The following PIK3C2B variants were observed in gnomAD, a reference collection of about 807,000 sequenced individuals.
PIK3C2B encodes the protein phosphatidylinositol 4-phosphate 3-kinase C2 domain-containing subunit beta.
In PIK3C2B, 83 loss-of-function variants were observed where a neutral mutation model predicts 184.3. That is an observed-to-expected ratio of 0.45 (90% CI 0.38 to 0.54). PIK3C2B has a LOEUF of 0.54. Ranked by LOEUF, PIK3C2B falls within the 20% of genes least tolerant of loss-of-function variation. PIK3C2B has a pLI of 0.00. For synonymous variants in PIK3C2B, 779 were observed against 837.6 expected, an observed-to-expected ratio of 0.93 and a Z score of 1.21; for missense variants, 1,736 against 2,113.5, an observed-to-expected ratio of 0.82 and a Z score of 3.50.
At chr1:204,437,470 G>A (rs1675413537) in intron 23 of PIK3C2B, among the ~76,000 whole-genome samples, 1 of 150,750 alleles carries the variant, frequency 6.6e-6, no homozygotes, top group Admixed American at 6.7e-5. Flanking sequence ...ACTCCGGCCT[G>A]GGCAACAAGA....
At chr1:204,476,531 G>A (rs34093643) in intron 1 of PIK3C2B, among the ~76,000 whole-genome samples, 11,702 of 152,296 alleles carry the variant, frequency 0.077, 631 homozygotes, top group Non-Finnish European at 0.12. Flanking sequence ...GAGTGACAGA[G>A]ACCCTGTCTC....
intron 11 of PIK3C2B, 30 bp from the exon 12 acceptor site, chr1:204,454,821 C>G (rs995264587): frequency 6.3e-6 from 10 of 1,596,818 alleles, no homozygotes; most frequent in Non-Finnish European, 8.5e-6. Flanking sequence ...GGTCAGGACA[C>G]CCAGCTCCCA....
chr1:204,454,253 C>G (rs937627883), intron 12 of PIK3C2B, among the ~76,000 whole-genome samples: 1 of 150,106 alleles, frequency 6.7e-6, no homozygotes, highest in African/African-American at 2.4e-5. Context: ...GAGGCCGAGG[C>G]GGGCAGATCA....
Position 204,427,905 on chromosome 1 carries a change from A to T in PIK3C2B, c.4481-151T>A, listed in dbSNP as rs367916196. ...TGTAGTCTGAATGTGATTAGAGTTA[A>T]TTGGGTTGGGATGGGTCTAAGGATA... On this transcript the variant is annotated intron_variant, in intron 30 of 32. Transcript: ENST00000684373. 9.3e-4 allele frequency: 610 copies of T among 658,630 alleles called. 11 individuals are homozygous for T. The South Asian group carries it at 0.011, about 12-fold the overall frequency. 40.8% of individuals were successfully genotyped at this position (658,630 alleles called of 1,614,324 possible).
intron 23 of PIK3C2B, among the ~76,000 whole-genome samples, chr1:204,438,183 T>A (rs1675456374): frequency 6.6e-6 from 1 of 152,248 alleles, no homozygotes; most frequent in African/African-American, 2.4e-5. Flanking sequence ...AAGTTAAAAT[T>A]ATACGAATTA....
chr1:204,464,834 A>C (rs2103509714), intron 3 of PIK3C2B, among the ~76,000 whole-genome samples: 1 of 152,316 alleles, frequency 6.6e-6, no homozygotes, highest in East Asian at 1.9e-4. Flanking sequence ...AACAGTACAA[A>C]TAGTTCTAAA....
intron 3 of PIK3C2B, 68 bp from the exon 4 acceptor site, chr1:204,464,672 G>T: frequency 6.8e-7 from 1 of 1,475,744 alleles, no homozygotes; most frequent in African/African-American, 1.4e-5. Flanking sequence ...CATCTGTTGG[G>T]AACCTCATGC....
At chr1:204,493,523 A>AC (rs1658148517) in intron 1 of PIK3C2B, among the ~76,000 whole-genome samples, 1 of 116,222 alleles carries the variant, frequency 8.6e-6, no homozygotes, top group South Asian at 3.2e-4. Flanking sequence ...CAATGGCAGA[A>AC]AACACACACA....
rs1334285262 is a variant in PIK3C2B, at chr1:204,451,990, G to A, written c.2067-1973C>T. Among the ~76,000 whole-genome samples the A allele has an allele frequency of 2.6e-5, 4 of 152,214 alleles. No individual in the cohort carries two copies. The East Asian group carries it at 5.8e-4, about 22-fold the overall frequency. On this transcript the variant is annotated intron_variant, in intron 12 of 32. Coordinates refer to ENST00000684373, the MANE Select transcript of PIK3C2B (RefSeq NM_001377334.1). The stretch of plus-strand genomic sequence containing the variant: ...GCAACTACAGTAGGAAGGAGAGAAT[G>A]ACTGGCCCAAAGACTGTCCTCTGAA...
chr1:204,444,402 G>A lies in PIK3C2B; in HGVS notation c.2701C>T (p.Arg901Cys), dbSNP rs747728370. The A allele has an allele frequency of 1.2e-5, 20 of 1,613,604 alleles. No individual in the cohort carries two copies. The Admixed American group carries it at 1.5e-4, about 12-fold the overall frequency. The change falls in exon 17 of 33, where the codon CGT (arginine) becomes TGT (cysteine). Residue 901 changes from arginine to cysteine, a missense_variant. Physicochemically the swap from Arg to Cys is radical, Grantham distance 180. Around this residue, in one of 8 missense-constraint regions of PIK3C2B, gnomAD observed 289 missense variants for 380.4 expected, o/e 0.76. Coordinates refer to ENST00000684373, the MANE Select transcript of PIK3C2B (RefSeq NM_001377334.1). ...HATFPDQEVR[R>C]MAVQWIGSLS... The stretch of plus-strand genomic sequence containing the variant: ...GAGCCAATCCACTGCACAGCCATAC[G>A]ACGCACCTCCTGGTCCGGGAAGCTG...
At chr1:204,458,564 G>C (rs1345424539) in intron 8 of PIK3C2B, among the ~76,000 whole-genome samples, 1 of 151,470 alleles carries the variant, frequency 6.6e-6, no homozygotes, top group Non-Finnish European at 1.5e-5. Context: ...CGCGATCTCG[G>C]CTCACTGCAA....
intron 12 of PIK3C2B, among the ~76,000 whole-genome samples, chr1:204,451,534 T>G (rs142507414): frequency 3.5e-4 from 54 of 152,222 alleles, no homozygotes; most frequent in African/African-American, 1.3e-3. Flanking sequence ...TTCAACAACC[T>G]CATATCACAC....
chr1:204,440,364 TC>T (rs1179257059), intron 21 of PIK3C2B, 43 bp from the exon 22 acceptor site: 1 of 1,524,472 alleles, frequency 6.6e-7, no homozygotes, highest in Non-Finnish European at 8.8e-7. Flanking sequence ...CTCCACTACC[TC>T]CCCAGCTCTC....
At chr1:204,485,863 A>C (rs1379189700) in intron 1 of PIK3C2B, among the ~76,000 whole-genome samples, 1 of 151,886 alleles carries the variant, frequency 6.6e-6, no homozygotes, top group Non-Finnish European at 1.5e-5. Flanking sequence ...GAGCCACTGC[A>C]CCCTTTTATT....
intron 1 of PIK3C2B, among the ~76,000 whole-genome samples, chr1:204,480,532 A>G (rs373595789): frequency 5.3e-5 from 8 of 152,264 alleles, no homozygotes; most frequent in African/African-American, 1.9e-4. Flanking sequence ...CAGCACAGAT[A>G]TGCCAGAGCC....
intron 2 of PIK3C2B, chr1:204,467,019 GGGA>G (rs750912844): frequency 8.4e-6 from 4 of 473,932 alleles, no homozygotes; most frequent in Non-Finnish European, 1.7e-5. Flanking sequence ...AGCTGAGCCG[GGGA>G]GGACCAAGGC....
intron 23 of PIK3C2B, among the ~76,000 whole-genome samples, chr1:204,437,614 G>C (rs74138398): frequency 1.6e-3 from 251 of 152,318 alleles, no homozygotes; most frequent in African/African-American, 5.7e-3. Flanking sequence ...AAAATCAATG[G>C]TAACAAAATA....
In PIK3C2B at chr1:204,449,921, T is replaced by C; in HGVS notation, c.2163A>G (p.Ser721=). ...GCACCCGCCGCTGCTTATTGGCCTCTGAGGAGCTCCCCGGTGGGGGGATGG... is the reference window on the plus strand; with the variant it reads ...GCACCCGCCGCTGCTTATTGGCCTCCGAGGAGCTCCCCGGTGGGGGGATGG... ...ALPIPPPGSS[S]EANKQRRVPE... Residue 721 remains serine (S), a synonymous_variant, in exon 13 of 33, where the codon TCA becomes TCG. Transcript: ENST00000684373. 6.2e-7 allele frequency: 1 copy of C among 1,613,834 alleles called. No individual in the cohort carries two copies. Among genetic ancestry groups the C allele is most frequent in the South Asian group, 1.1e-5 (1 of 90,904 alleles).
In PIK3C2B at chr1:204,457,262, G is replaced by A. The variant is rs896277331; in HGVS notation, c.1714-192C>T. On this transcript the variant is annotated intron_variant, in intron 9 of 32. Coordinates refer to ENST00000684373, the MANE Select transcript of PIK3C2B (RefSeq NM_001377334.1). ...ATGATGGACAGAGTGAGCTGACGGA[G>A]GATAGCAATCATCGGGTCCACCCTT... Among the ~76,000 whole-genome samples the A allele has an allele frequency of 3.9e-5, 6 of 152,170 alleles. No homozygotes were observed. In the East Asian group the frequency reaches 1.2e-3, roughly 29 times the overall value.
Sources: gnomAD v4.1 joint callset for allele counts (sites outside exome capture counted in the v4.1 genomes callset) on GRCh38, gnomAD v4.1.1 for gene constraint, gnomAD v4.1.1 regional missense constraint, MANE v1.5 for transcripts, NCBI Gene and HGNC (gene_info 2026-07-23, HGNC 2026-07-21) for gene names.